NIBAN1: variants seen among roughly 807,000 people sequenced by gnomAD.
NIBAN1 encodes protein Niban 1.
Under a neutral mutation model 75.1 loss-of-function variants are expected in NIBAN1, and 81 were observed. The ratio of observed to expected loss-of-function variants is 1.08; its 90% CI spans 0.90 to 1.30. The LOEUF (loss-of-function observed/expected upper bound fraction) is 1.30, where lower values mean the gene tolerates loss of function less well. NIBAN1 is among the 50% of genes most tolerant of loss of function. The pLI, the probability that NIBAN1 is intolerant of heterozygous loss-of-function variation, is 0.00. For missense variants in NIBAN1, 1,133 were observed against 1,128.1 expected (o/e 1.00, Z -0.06); for synonymous variants, 436 against 424.8 (o/e 1.03, Z -0.32).
At chr1:184,921,088 C>G (rs1434517347) in intron 1 of NIBAN1, among the ~76,000 whole-genome samples, 1 of 149,864 alleles carries the variant, frequency 6.7e-6, no homozygotes, top group Non-Finnish European at 1.5e-5. Context: ...AATATTGCAC[C>G]ACTGCACTCC....
chr1:184,933,316 C>T (rs1410734775), intron 1 of NIBAN1, among the ~76,000 whole-genome samples: 1 of 152,206 alleles, frequency 6.6e-6, no homozygotes, highest in African/African-American at 2.4e-5. Context: ...ATACTAAGGA[C>T]AGGAAAAGTA....
chr1:184,913,771 C>T (rs1326896588), intron 1 of NIBAN1, among the ~76,000 whole-genome samples: 1 of 152,132 alleles, frequency 6.6e-6, no homozygotes, highest in Admixed American at 6.6e-5. Flanking sequence ...GACATAAGAG[C>T]AACTGTTATT....
rs1360955080 is a variant in NIBAN1 at position 184,795,501 on chromosome 1, C to A, written c.2263G>T (p.Ala755Ser). Residue 755 changes from alanine to serine, a missense_variant, in exon 14 of 14, where the codon GCA (alanine) becomes TCA (serine). Ala to Ser is a moderately conservative substitution (Grantham distance 99). Coordinates refer to ENST00000367511, the MANE Select transcript of NIBAN1 (RefSeq NM_052966.4). ...CAGTTGTCGGGGTGGATGGCAGCTGCCTGACTGGGCTCTTTTTCCTCTTCT... is the reference window on the plus strand; with the variant it reads ...CAGTTGTCGGGGTGGATGGCAGCTGACTGACTGGGCTCTTTTTCCTCTTCT... The part of the protein sequence containing the change: ...EEEEEKEPSQ[A>S]AAIHPDNCEE... The A allele has an allele frequency of 1.2e-6, 2 of 1,613,512 alleles. No individual in the cohort carries two copies. Among genetic ancestry groups the A allele is most frequent in the South Asian group, 1.1e-5 (1 of 91,036 alleles).
intron 5 of NIBAN1, among the ~76,000 whole-genome samples, chr1:184,840,110 C>T (rs944186489): frequency 6.6e-6 from 1 of 152,144 alleles, no homozygotes; most frequent in African/African-American, 2.4e-5. Context: ...GAATGGTGCT[C>T]ATTCTAATGA....
In NIBAN1 at chr1:184,894,075, C is replaced by T; in HGVS notation, c.318G>A (p.Glu106=). ...CAGTAGTAACAAAGAAGTGTCTTAC[C>T]TCTTTATTCTCATAGCTCTCCACAG... ...DYAVESYENK[E]AYQRGAAPKC... Residue 106 remains glutamate (E), a splice_region_variant and synonymous_variant, in exon 3 of 14, where the codon GAG becomes GAA. Coordinates refer to ENST00000367511, the MANE Select transcript of NIBAN1 (RefSeq NM_052966.4). The T allele has an allele frequency of 6.3e-7, 1 of 1,598,278 alleles. No homozygotes were observed. The highest frequency in any genetic ancestry group is 8.5e-7 in the Non-Finnish European group (1 of 1,174,442).
At chr1:184,826,854 G>A (rs939294298) in intron 6 of NIBAN1, among the ~76,000 whole-genome samples, 1 of 152,026 alleles carries the variant, frequency 6.6e-6, no homozygotes, top group Non-Finnish European at 1.5e-5. Context: ...AGTGGGTTAC[G>A]AGTGGCGGGG....
chr1:184,818,541 A>AGAAGGGAG (rs1654602013), intron 9 of NIBAN1, 97 bp downstream of exon 9: 3 of 1,203,056 alleles, frequency 2.5e-6, no homozygotes, highest in African/African-American at 1.5e-5. Context: ...AAGGAAGGAA[A>AGAAGGGAG]GAAGGGAGGA....
intron 5 of NIBAN1, among the ~76,000 whole-genome samples, chr1:184,844,935 CT>C: frequency 6.6e-6 from 1 of 152,122 alleles, no homozygotes; most frequent in East Asian, 1.9e-4. Flanking sequence ...CAATTTAGTC[CT>C]CTTAGAGACC....
intron 7 of NIBAN1, 114 bp downstream of exon 7, chr1:184,823,524 A>T (rs1654760391): frequency 7.7e-7 from 1 of 1,302,230 alleles, no homozygotes; most frequent in Middle Eastern, 2.0e-4. Context: ...CGAAGTAGGC[A>T]TTTCTACACC....
At chr1:184,826,782 G>A (rs1654852281) in intron 6 of NIBAN1, among the ~76,000 whole-genome samples, 1 of 152,100 alleles carries the variant, frequency 6.6e-6, no homozygotes, top group Admixed American at 6.5e-5. Flanking sequence ...AAGAAATTTG[G>A]CTCTATGTTA....
intron 1 of NIBAN1, among the ~76,000 whole-genome samples, chr1:184,943,457 T>A (rs1170550717): frequency 6.6e-6 from 1 of 152,214 alleles, no homozygotes; most frequent in African/African-American, 2.4e-5. Context: ...GAGAAGAATT[T>A]CTATTTTCCT....
chr1:184,878,628 T>C (rs1164657845), intron 5 of NIBAN1, among the ~76,000 whole-genome samples: 1 of 152,224 alleles, frequency 6.6e-6, no homozygotes, highest in African/African-American at 2.4e-5. Context: ...TGATCTTAAG[T>C]GAATAGCTCT....
intron 1 of NIBAN1, among the ~76,000 whole-genome samples, chr1:184,931,401 C>T (rs1259473962): frequency 6.6e-6 from 1 of 152,214 alleles, no homozygotes; most frequent in Non-Finnish European, 1.5e-5. Flanking sequence ...CGTGTACAAT[C>T]TTGGTCATAC....
intron 6 of NIBAN1, among the ~76,000 whole-genome samples, chr1:184,831,399 A>G (rs1654996206): frequency 6.6e-6 from 1 of 152,218 alleles, no homozygotes; most frequent in Non-Finnish European, 1.5e-5. Context: ...CAAGGTAAAC[A>G]TTATTATTCT....
chr1:184,870,292 C>T (rs1046327940), intron 5 of NIBAN1, among the ~76,000 whole-genome samples: 2 of 149,440 alleles, frequency 1.3e-5, no homozygotes, highest in South Asian at 2.1e-4. Context: ...GGTTTAAACT[C>T]TCTTTGATAG....
intron 9 of NIBAN1, among the ~76,000 whole-genome samples, chr1:184,809,688 T>C (rs1182807576): frequency 5.0e-5 from 6 of 119,684 alleles, no homozygotes; most frequent in Non-Finnish European, 8.3e-5. Flanking sequence ...TATATATACA[T>C]ATATATGTGT....
At chr1:184,863,949 T>G (rs1655882666) in intron 5 of NIBAN1, among the ~76,000 whole-genome samples, 1 of 152,370 alleles carries the variant, frequency 6.6e-6, no homozygotes, top group African/African-American at 2.4e-5. Flanking sequence ...AGAGCATACA[T>G]TAAACACTCA....
intron 1 of NIBAN1, among the ~76,000 whole-genome samples, chr1:184,967,590 A>C (rs1658829361): frequency 1.3e-5 from 2 of 152,204 alleles, no homozygotes; most frequent in Non-Finnish European, 2.9e-5. Flanking sequence ...AACCCAGTTC[A>C]AACCTTCCCA....
chr1:184,935,180 G>T (rs1274524383), intron 1 of NIBAN1, among the ~76,000 whole-genome samples: 2 of 151,954 alleles, frequency 1.3e-5, no homozygotes, highest in Non-Finnish European at 2.9e-5. Context: ...TACAATCAAA[G>T]CTTCTGTCTG....
Sources: gnomAD v4.1 joint callset for allele counts (sites outside exome capture counted in the v4.1 genomes callset) on GRCh38, gnomAD v4.1.1 for gene constraint, MANE v1.5 for transcripts, NCBI Gene and HGNC (gene_info 2026-07-23, HGNC 2026-07-21) for gene names.